CLUH: variants seen among roughly 807,000 people sequenced by gnomAD.
CLUH encodes the protein CLUH binding protein of NUMT mRNA.
In CLUH, 77 loss-of-function variants were observed where a neutral mutation model predicts 139.3. That is an observed-to-expected ratio of 0.55 (90% confidence interval 0.46 to 0.67). The LOEUF (loss-of-function observed/expected upper bound fraction) is 0.67. Among genes scored for constraint, CLUH ranks in the 30% least tolerant of loss-of-function variants. The pLI is 0.00. For synonymous variants in CLUH, 999 were observed against 801.6 expected (o/e 1.25, Z -4.16); for missense variants, 1,876 against 1,875.8 (o/e 1.00, Z 0.00).
chr17:2,692,589 G>A lies in CLUH; in HGVS notation c.3420C>T (p.Pro1140=), dbSNP rs1045869021. 4 of 1,612,282 alleles carry A rather than the reference G, an allele frequency of 2.5e-6. No individual in the cohort carries two copies. Among genetic ancestry groups the A allele is most frequent in the South Asian group, 1.1e-5 (1 of 91,060 alleles). The change falls in exon 21 of 26, where the codon CCC becomes CCT. Residue 1140 remains proline (P), a synonymous_variant. Transcript: ENST00000651024. ...LMLLVFGEDH[P]EMALLDNNIG... ...CACTCACGTCCAGCAGCGCCATCTC[G>A]GGGTGGTCTTCCCCGAACACCAGCA...
Position 2,701,497 on chromosome 17 carries a change from G to A in CLUH, c.768C>T (p.Leu256=). ...DWKPLQCLKV[L]TMSGWNPPPG... is the part of the protein sequence containing the mutation. ...GGGGCGGGTTCCATCCGCTCATGGT[G>A]AGTACTTTCAGGCACTGCAAGGGCT... The change falls in exon 6 of 26, where the codon CTC becomes CTT. Residue 256 remains leucine, a synonymous_variant. Coordinates refer to ENST00000651024, the MANE Select transcript of CLUH (RefSeq NM_001366661.1). The A allele has an allele frequency of 6.2e-7, 1 of 1,613,898 alleles. No individual in the cohort carries two copies. Among genetic ancestry groups the A allele is most frequent in the Non-Finnish European group, 8.5e-7 (1 of 1,179,864 alleles).
At chr17:2,701,811 G>A in intron 4 of CLUH, 74 bp from the exon 5 acceptor site, 4 of 1,568,778 alleles carry the variant, frequency 2.5e-6, no homozygotes, top group Non-Finnish European at 3.5e-6. Flanking sequence ...TGATGGCCGT[G>A]GTCCGGGTGC....
At chr17:2,696,389 T>C in intron 12 of CLUH, 45 bp downstream of exon 12, 1 of 1,535,128 alleles carries the variant, frequency 6.5e-7, no homozygotes. Context: ...CCAGCGAAGC[T>C]CTGGCCCTGG....
At position 2,708,864 on chromosome 17, in the gene CLUH, G is replaced by T. The variant is rs972606482; in HGVS notation, c.100+2698C>A. ...GTCCAGGCCTCAGCCTCTACTCGGG[G>T]GGGGGGGAGCAGAACTATCCCAGTC... is the stretch of plus-strand genomic sequence containing the variant. On this transcript the variant is annotated intron_variant, in intron 1 of 25. Transcript: ENST00000651024. Among the ~76,000 whole-genome samples, 97 of 86,654 alleles carry T rather than the reference G, an allele frequency of 1.1e-3. 1 individual carries two copies. Among genetic ancestry groups the T allele is most frequent in the African/African-American group, 2.1e-3 (69 of 33,466 alleles). The allele number at this position is 86,654 out of a possible 152,430, so 56.8% of individuals were successfully genotyped here.
At chr17:2,709,907 T>A (rs771308914) in intron 1 of CLUH, among the ~76,000 whole-genome samples, 7 of 152,036 alleles carry the variant, frequency 4.6e-5, no homozygotes, top group Non-Finnish European at 1.0e-4. Flanking sequence ...GCTCCCAGTT[T>A]CCCCAAAACA....
chr17:2,703,868 C>T lies in CLUH; in HGVS notation c.304-379G>A, dbSNP rs138987125. On this transcript the variant is annotated intron_variant, in intron 2 of 25. Coordinates refer to ENST00000651024, the MANE Select transcript of CLUH (RefSeq NM_001366661.1). The surrounding 1 kb of genome is among the most constrained non-coding windows in gnomAD (Gnocchi z 4.2). Reference sequence around the variant, plus strand: ...AAGGTGCCTGGGGCAAATGGCTTTCCCCTTCCAGAAGGGGTGCTCTGGGGC... The same window carrying T: ...AAGGTGCCTGGGGCAAATGGCTTTCTCCTTCCAGAAGGGGTGCTCTGGGGC... Among the ~76,000 whole-genome samples, 332 of 152,288 alleles carry T rather than the reference C, an allele frequency of 2.2e-3. 1 individual carries two copies. The highest frequency in any genetic ancestry group is 7.6e-3 in the African/African-American group (315 of 41,562).
Position 2,695,534 on chromosome 17 carries a change from C to A in CLUH, c.2392-8G>T. On this transcript the variant is annotated splice_polypyrimidine_tract_variant and splice_region_variant and intron_variant, in intron 13 of 25. Coordinates refer to ENST00000651024, the MANE Select transcript of CLUH (RefSeq NM_001366661.1). ...CTCCATGCAGTCCTTCACCTGCGGG[C>A]TGCAGCAGCTCAGGCCCCCACCCAG... 1 of 1,589,286 alleles carries A rather than the reference C, an allele frequency of 6.3e-7. No homozygotes were observed. Among genetic ancestry groups the A allele is most frequent in the Non-Finnish European group, 8.5e-7 (1 of 1,173,594 alleles).
chr17:2,711,724 GC>G lies in CLUH; in HGVS notation c.-64del. The G allele has an allele frequency of 1.5e-6, 1 of 686,740 alleles. No homozygotes were observed. Among genetic ancestry groups the G allele is most frequent in the Non-Finnish European group, 1.8e-6 (1 of 557,340 alleles). The allele number at this position is 686,740 out of a possible 1,614,324, so 42.5% of individuals were successfully genotyped here. On this transcript the variant is annotated 5_prime_UTR_variant, in exon 1 of 26. Transcript: ENST00000651024. ...CGCCCGCCGCGCCACTAACCCAAGT[GC>G]CCTGCGCGCCGCGGCTGCTGAGGGA...
Position 2,707,843 on chromosome 17 carries a change from G to A in CLUH, c.101-3279C>T. On this transcript the variant is annotated intron_variant, in intron 1 of 25. Transcript: ENST00000651024. This position sits in a 1 kb window ranked among gnomAD's most constrained non-coding sequence, Gnocchi z 7.4. ...CTGGCTCCTGCTGCCCCCTGCAGGT[G>A]ACCTGGCTGCCAGCCCCTTCCTGGG... 1 of 985,448 alleles carries A rather than the reference G, an allele frequency of 1.0e-6. No individual in the cohort carries two copies. Among genetic ancestry groups the A allele is most frequent in the Non-Finnish European group, 1.2e-6 (1 of 829,924 alleles). The allele number at this position is 985,448 out of a possible 1,614,324, so 61.0% of individuals were successfully genotyped here.
intron 19 of CLUH, 67 bp downstream of exon 19, chr17:2,693,832 CA>C (rs1391347090): frequency 2.6e-6 from 4 of 1,531,868 alleles, no homozygotes; most frequent in Non-Finnish European, 3.5e-6. Context: ...ACTCCTCCGT[CA>C]GGGGCCCCCT....
chr17:2,700,595 G>A (rs2070143716), intron 8 of CLUH, 83 bp downstream of exon 8: 1 of 1,532,232 alleles, frequency 6.5e-7, no homozygotes, highest in South Asian at 1.2e-5. Context: ...TCAAGCATGG[G>A]GCCTCCAGGG....
In CLUH at chr17:2,690,576, G is replaced by A. The variant is rs757506330; in HGVS notation, c.*18C>T. 2 of 1,431,558 alleles carry A rather than the reference G, an allele frequency of 1.4e-6. No homozygotes were observed. The highest frequency in any genetic ancestry group is 5.5e-5 in the East Asian group (2 of 36,360). The allele number at this position is 1,431,558 out of a possible 1,614,324, so 88.7% of individuals were successfully genotyped here. The stretch of plus-strand genomic sequence containing the variant: ...CTGGTGACGGGGCCGCTGGCTGGCT[G>A]TCCGTCTGGCTCCCTCTCTATCCCT... On this transcript the variant is annotated 3_prime_UTR_variant, in exon 26 of 26. Coordinates refer to ENST00000651024, the MANE Select transcript of CLUH (RefSeq NM_001366661.1).
chr17:2,697,534 A>G (rs2070000588), intron 10 of CLUH, among the ~76,000 whole-genome samples: 1 of 152,286 alleles, frequency 6.6e-6, no homozygotes, highest in South Asian at 2.1e-4. Context: ...GACCTCTGAC[A>G]TGGCCATTTC....
In CLUH at chr17:2,698,590, C is replaced by T. The variant is rs765160567; in HGVS notation, c.1267G>A (p.Val423Met). The T allele has an allele frequency of 2.5e-6, 4 of 1,595,410 alleles. No homozygotes were observed. Among genetic ancestry groups the T allele is most frequent in the Admixed American group, 1.7e-5 (1 of 57,638 alleles). Residue 423 changes from valine (V) to methionine (M), a missense_variant and splice_region_variant, in exon 10 of 26, where the codon GTG becomes ATG. Val to Met is a conservative substitution (Grantham distance 21). This residue lies in a region of CLUH where 1,454 missense variants were observed against 1,384.4 expected (regional missense o/e 1.05). Transcript: ENST00000651024. ...RLLRERAIFK[V>M]HSDFTAAATR... Reference sequence around the variant, plus strand: ...GCTGCCGCGGTGAAGTCGCTGTGCACCTGGCGGGGGTCGAGGAGGGCAGGG... The same window carrying T: ...GCTGCCGCGGTGAAGTCGCTGTGCATCTGGCGGGGGTCGAGGAGGGCAGGG...
At chr17:2,699,230 T>C (rs2070089108) in intron 9 of CLUH, among the ~76,000 whole-genome samples, 1 of 152,126 alleles carries the variant, frequency 6.6e-6, no homozygotes, top group South Asian at 2.1e-4. Context: ...TAGGAAATAG[T>C]CTCTATAACG....
In CLUH at chr17:2,692,781, T is replaced by C; in HGVS notation, c.3311A>G (p.Tyr1104Cys). ...GCGCGGGCGGCACTCGCGACTCACG[T>C]ATTCCTGGATGGTGTTGGGGTGCTC... is the stretch of plus-strand genomic sequence containing the variant. ...GTEHPNTIQE[Y>C]MHLALYCFAS... The change falls in exon 20 of 26, where the codon TAC becomes TGC. Residue 1104 changes from tyrosine (Y) to cysteine (C), a missense_variant and splice_region_variant. Around this residue, in one of 3 missense-constraint regions of CLUH, gnomAD observed 1,454 missense variants for 1,384.4 expected, o/e 1.05. Transcript: ENST00000651024. The C allele has an allele frequency of 6.2e-7, 1 of 1,601,834 alleles. No homozygotes were observed. Among genetic ancestry groups the C allele is most frequent in the South Asian group, 1.1e-5 (1 of 90,132 alleles).
Position 2,696,711 on chromosome 17 carries a change from AG to A in CLUH, c.2185+7del. The A allele has an allele frequency of 6.2e-7, 1 of 1,611,376 alleles. No individual in the cohort carries two copies. Among genetic ancestry groups the A allele is most frequent in the South Asian group, 1.1e-5 (1 of 90,944 alleles). ...GGGCTCTCTCCCGGCCATCTGCAGC[AG>A]CCCCACCTGTGCCGTCGTCTGCGGC... On this transcript the variant is annotated splice_region_variant and intron_variant, in intron 11 of 25. Transcript: ENST00000651024.
chr17:2,694,130 C>T lies in CLUH; in HGVS notation c.3084G>A (p.Val1028=). ...FHFFQSGQAK[V]QQGFLKEGCE... ...CCCCACCTGGCCACACACCCTGCTG[C>T]ACTTTGGCCTGCCCGCTCTGGAAGA... is the stretch of plus-strand genomic sequence containing the variant. Residue 1028 remains valine, a synonymous_variant, in exon 18 of 26, where the codon GTG becomes GTA. Coordinates refer to ENST00000651024, the MANE Select transcript of CLUH (RefSeq NM_001366661.1). 6.2e-7 allele frequency: 1 copy of T among 1,613,804 alleles called. No individual in the cohort carries two copies. Among genetic ancestry groups the T allele is most frequent in the African/African-American group, 1.3e-5 (1 of 75,046 alleles).
chr17:2,698,733 T>C (rs1272649619), intron 9 of CLUH, 143 bp from the exon 10 acceptor site: 4 of 758,478 alleles, frequency 5.3e-6, no homozygotes, highest in Non-Finnish European at 8.3e-6. Context: ...TTTCCTCATA[T>C]GTAGAAAAGG....
Sources: gnomAD v4.1 joint callset for allele counts (sites outside exome capture counted in the v4.1 genomes callset) on GRCh38, gnomAD v4.1.1 for gene constraint, gnomAD v4.1.1 regional missense constraint, Gnocchi (gnomAD v3.1) non-coding constraint, MANE v1.5 for transcripts, NCBI Gene and HGNC (gene_info 2026-07-23, HGNC 2026-07-21) for gene names.